Variants in DIAPH2 observed in about 807,000 individuals in gnomAD.
DIAPH2 encodes the protein diaphanous related formin 2.
A neutral mutation model predicts 92.7 loss-of-function variants in DIAPH2; 35 were observed. The ratio of observed to expected loss-of-function variants is 0.38; its 90% CI spans 0.29 to 0.50. The LOEUF is 0.50. Among genes scored for constraint, DIAPH2 ranks in the 20% least tolerant of loss-of-function variants. The pLI, the probability that DIAPH2 is intolerant of heterozygous loss-of-function variation, is 0.94. For missense variants in DIAPH2, 701 were observed against 819.5 expected (o/e 0.86, Z 1.77); for synonymous variants, 301 against 280.4 (o/e 1.07, Z -0.73).
At chrX:97,509,132 C>T (rs1213864445) in intron 26 of DIAPH2, among the ~76,000 whole-genome samples, 11 of 109,190 alleles carry the variant, frequency 1.0e-4, no homozygotes, top group African/African-American at 3.0e-4. Context: ...CTGCAACCTC[C>T]GCCTCCCAGG....
At chrX:97,021,013 G>A (rs1175987041) in intron 17 of DIAPH2, among the ~76,000 whole-genome samples, 1 of 111,261 alleles carries the variant, frequency 9.0e-6, no homozygotes, top group Non-Finnish European at 1.9e-5. Flanking sequence ...TTATATATAA[G>A]GAAGATTATT....
At chrX:96,709,502 A>G (rs1245973634) in intron 1 of DIAPH2, among the ~76,000 whole-genome samples, 2 of 112,070 alleles carry the variant, frequency 1.8e-5, no homozygotes, top group African/African-American at 6.5e-5. Flanking sequence ...CTATCTTCTA[A>G]AGAAAATGAA....
intron 4 of DIAPH2, among the ~76,000 whole-genome samples, chrX:96,814,304 C>T (rs1268129642): frequency 9.0e-6 from 1 of 111,466 alleles, no homozygotes; most frequent in Non-Finnish European, 1.9e-5. Context: ...CCTTTCTTCC[C>T]CTTGATCGAA....
chrX:97,247,169 G>A (rs2068149419), intron 22 of DIAPH2, among the ~76,000 whole-genome samples: 1 of 111,365 alleles, frequency 9.0e-6, no homozygotes, highest in African/African-American at 3.3e-5. Flanking sequence ...TGTGTTTGCT[G>A]GGGTTTGCTC....
chrX:97,214,474 G>GAA (rs1165425950), intron 22 of DIAPH2, among the ~76,000 whole-genome samples: 2 of 94,308 alleles, frequency 2.1e-5, no homozygotes, highest in Admixed American at 2.3e-4. Context: ...AAAAATTAAA[G>GAA]AAAAAAAAAA....
At chrX:97,301,340 A>C (rs969340374) in intron 23 of DIAPH2, among the ~76,000 whole-genome samples, 2 of 110,800 alleles carry the variant, frequency 1.8e-5, no homozygotes, top group African/African-American at 6.6e-5. Flanking sequence ...ATGATACATT[A>C]AGTACAAATG....
intron 26 of DIAPH2, among the ~76,000 whole-genome samples, chrX:97,478,127 G>T (rs932283782): frequency 9.0e-6 from 1 of 111,694 alleles, no homozygotes; most frequent in African/African-American, 3.3e-5. Context: ...TTATAAGGAG[G>T]ATCATTTCAT....
At chrX:97,003,534 T>C (rs2066159173) in intron 17 of DIAPH2, among the ~76,000 whole-genome samples, 1 of 112,425 alleles carries the variant, frequency 8.9e-6, no homozygotes, top group South Asian at 3.7e-4. Context: ...ATAGTTTTGA[T>C]TGGCATTTCT....
At chrX:97,306,384 C>T (rs1362566326) in intron 23 of DIAPH2, among the ~76,000 whole-genome samples, 6 of 111,148 alleles carry the variant, frequency 5.4e-5, no homozygotes, top group Non-Finnish European at 1.1e-4. Flanking sequence ...GGATAACCTT[C>T]CTGGCCCCTT....
intron 24 of DIAPH2, among the ~76,000 whole-genome samples, chrX:97,382,897 CT>C (rs2069564235): frequency 8.9e-6 from 1 of 112,142 alleles, no homozygotes; most frequent in African/African-American, 3.2e-5. Flanking sequence ...GAGTCTTTTT[CT>C]TTAGGGTTTC....
intron 23 of DIAPH2, among the ~76,000 whole-genome samples, chrX:97,298,431 A>C (rs1383109735): frequency 9.1e-6 from 1 of 109,457 alleles, no homozygotes; most frequent in African/African-American, 3.3e-5. Context: ...AATTGAAAAA[A>C]AAATGAGAGT....
At chrX:97,017,770 A>G (rs909015321) in intron 17 of DIAPH2, among the ~76,000 whole-genome samples, 9 of 112,220 alleles carry the variant, frequency 8.0e-5, no homozygotes, top group African/African-American at 2.9e-4. Context: ...AGTGTGACTT[A>G]AAAAGAAATT....
intron 26 of DIAPH2, among the ~76,000 whole-genome samples, chrX:97,487,436 G>T (rs1015508174): frequency 8.1e-5 from 9 of 110,563 alleles, no homozygotes; most frequent in African/African-American, 2.6e-4. Context: ...CACCACGCCC[G>T]GCTCATTTTT....
At chrX:97,430,879 T>A (rs2070119478) in intron 26 of DIAPH2, among the ~76,000 whole-genome samples, 1 of 112,282 alleles carries the variant, frequency 8.9e-6, no homozygotes, top group Non-Finnish European at 1.9e-5. Context: ...TGGATAACAT[T>A]CTGCCTCTGC....
At chrX:96,912,633 T>A in intron 7 of DIAPH2, 81 bp downstream of exon 7, 4 of 1,023,419 alleles carry the variant, frequency 3.9e-6, no homozygotes, top group Non-Finnish European at 5.1e-6. Context: ...GAACAAAATA[T>A]TTTTTTATTA....
intron 26 of DIAPH2, among the ~76,000 whole-genome samples, chrX:97,578,245 G>T (rs1384027540): frequency 9.3e-6 from 1 of 108,104 alleles, no homozygotes. Context: ...ACGTATACAT[G>T]TGCCGTGCTG....
At chrX:97,468,988 GTTTT>G (rs2070539092) in intron 26 of DIAPH2, among the ~76,000 whole-genome samples, 1 of 111,920 alleles carries the variant, frequency 8.9e-6, no homozygotes, top group African/African-American at 3.2e-5. Flanking sequence ...GAATTATATA[GTTTT>G]TGTTTAACTC....
At chrX:96,901,807 T>G (rs756054047) in intron 5 of DIAPH2, among the ~76,000 whole-genome samples, 3 of 110,697 alleles carry the variant, frequency 2.7e-5, no homozygotes, top group East Asian at 5.7e-4. Context: ...AGTTCTGGGA[T>G]TACAGGTGTG....
chrX:96,761,457 ATATGTG>A (rs1420807056), intron 4 of DIAPH2, among the ~76,000 whole-genome samples: 1 of 109,812 alleles, frequency 9.1e-6, no homozygotes, highest in Non-Finnish European at 1.9e-5. Context: ...CAGTATATCT[ATATGTG>A]TATGTGTATA....
Sources: gnomAD v4.1 joint callset for allele counts (sites outside exome capture counted in the v4.1 genomes callset) on GRCh38, gnomAD v4.1.1 for gene constraint, MANE v1.5 for transcripts, NCBI Gene and HGNC (gene_info 2026-07-23, HGNC 2026-07-21) for gene names.